ZNF438: variants seen among roughly 807,000 people sequenced by gnomAD.
ZNF438 encodes zinc finger protein 438.
ZNF438 carries 25 observed loss-of-function variants against 38.0 expected under a neutral mutation model. That is an observed-to-expected ratio of 0.66 (90% confidence interval 0.48 to 0.92). The LOEUF is 0.92. Among genes scored for constraint, ZNF438 ranks in the 40% least tolerant of loss-of-function variants. The pLI is 0.00. For missense variants in ZNF438, 1,007 were observed against 999.6 expected (o/e 1.01, Z -0.10); for synonymous variants, 372 against 364.1 (o/e 1.02, Z -0.25).
At chr10:30,883,513 T>G (rs1382691445) in intron 3 of ZNF438, among the ~76,000 whole-genome samples, 1 of 152,202 alleles carries the variant, frequency 6.6e-6, no homozygotes, top group Non-Finnish European at 1.5e-5. Flanking sequence ...TAAAGCCATT[T>G]TTAAAAATGT....
At chr10:30,952,321 C>T (rs1441729646) in intron 1 of ZNF438, among the ~76,000 whole-genome samples, 1 of 150,342 alleles carries the variant, frequency 6.7e-6, no homozygotes, top group Non-Finnish European at 1.5e-5. Context: ...TAGGCATTAC[C>T]ATTCAGGACA....
intron 1 of ZNF438, among the ~76,000 whole-genome samples, chr10:31,029,694 A>C (rs1297947987): frequency 6.6e-6 from 1 of 152,238 alleles, no homozygotes; most frequent in African/African-American, 2.4e-5. Context: ...ATCAGACACC[A>C]GTCCCTTGAT....
chr10:30,989,559 CAG>C (rs893966551), intron 1 of ZNF438, among the ~76,000 whole-genome samples: 23 of 152,244 alleles, frequency 1.5e-4, no homozygotes, highest in African/African-American at 5.1e-4. Context: ...GAGTGTGAGA[CAG>C]AGAAGATGCT....
At chr10:30,858,555 A>G (rs2035067584) in intron 4 of ZNF438, among the ~76,000 whole-genome samples, 1 of 152,228 alleles carries the variant, frequency 6.6e-6, no homozygotes, top group South Asian at 2.1e-4. Flanking sequence ...CATGCACTGT[A>G]AAACGTGCCG....
chr10:30,869,001 T>G (rs2036934200), intron 4 of ZNF438, among the ~76,000 whole-genome samples: 1 of 152,250 alleles, frequency 6.6e-6, no homozygotes, highest in Admixed American at 6.5e-5. Flanking sequence ...GAGACTCTGC[T>G]GCCAAACGGC....
chr10:30,871,731 C>T (rs919694787), intron 4 of ZNF438, among the ~76,000 whole-genome samples: 31 of 152,150 alleles, frequency 2.0e-4, no homozygotes, highest in African/African-American at 7.5e-4. Context: ...ATCAGAAAAT[C>T]TAGGGGTTTT....
exon 6 of ZNF438, chr10:30,845,286 T>C (rs537918883): frequency 2.5e-6 from 4 of 1,614,144 alleles, no homozygotes; most frequent in Non-Finnish European, 3.4e-6. Context: ...TGGACATGCA[T>C]GTGATTCCTC....
intron 3 of ZNF438, among the ~76,000 whole-genome samples, chr10:30,901,686 G>T (rs1415637723): frequency 6.6e-6 from 1 of 151,732 alleles, no homozygotes; most frequent in Admixed American, 6.6e-5. Flanking sequence ...TAGTCTCACC[G>T]CTTGGCGATA....
intron 3 of ZNF438, among the ~76,000 whole-genome samples, chr10:30,899,665 C>G (rs1054590553): frequency 5.3e-5 from 8 of 151,948 alleles, no homozygotes; most frequent in Non-Finnish European, 8.8e-5. Flanking sequence ...CCCCCCCACA[C>G]ACAGGGCACA....
chr10:31,020,475 T>G (rs2056512096), intron 1 of ZNF438, among the ~76,000 whole-genome samples: 1 of 152,170 alleles, frequency 6.6e-6, no homozygotes, highest in Non-Finnish European at 1.5e-5. Context: ...CTACAGGGTA[T>G]ATGGCATTTT....
intron 3 of ZNF438, among the ~76,000 whole-genome samples, chr10:30,900,665 A>AC (rs1391897757): frequency 1.3e-5 from 2 of 152,228 alleles, no homozygotes; most frequent in African/African-American, 4.8e-5. Flanking sequence ...ATTTACGCTC[A>AC]CCCAGCTAGT....
chr10:30,910,369 G>C (rs1298746579), intron 2 of ZNF438: 1 of 152,188 alleles, frequency 6.6e-6, no homozygotes, highest in Non-Finnish European at 1.5e-5. Context: ...CATTCCTATA[G>C]TTCTCCAGTC....
intron 1 of ZNF438, among the ~76,000 whole-genome samples, chr10:31,015,179 T>C (rs980564294): frequency 2.6e-5 from 4 of 152,332 alleles, no homozygotes; most frequent in African/African-American, 7.2e-5. Context: ...GTTACTGTTA[T>C]TGATCTTGTC....
At chr10:30,971,126 A>G (rs2050695162) in intron 1 of ZNF438, among the ~76,000 whole-genome samples, 1 of 152,198 alleles carries the variant, frequency 6.6e-6, no homozygotes, top group Non-Finnish European at 1.5e-5. Flanking sequence ...TGGCATTAGT[A>G]ATTTACTGTA....
At chr10:30,920,730 A>G (rs1442677777) in intron 2 of ZNF438, 4 of 152,218 alleles carry the variant, frequency 2.6e-5, no homozygotes, top group African/African-American at 9.7e-5. Flanking sequence ...CTTATTACAG[A>G]CTTCATTTTT....
At chr10:30,864,547 G>A (rs2036113813) in intron 4 of ZNF438, among the ~76,000 whole-genome samples, 1 of 152,210 alleles carries the variant, frequency 6.6e-6, no homozygotes, top group Admixed American at 6.5e-5. Context: ...AGCTCCAAAA[G>A]AGCAGGGGTT....
At chr10:30,950,761 T>C (rs1189395975) in intron 1 of ZNF438, among the ~76,000 whole-genome samples, 2 of 125,802 alleles carry the variant, frequency 1.6e-5, no homozygotes, top group Non-Finnish European at 3.4e-5. Context: ...AATCAATAGC[T>C]TACCAACCAA....
At chr10:30,975,019 C>T (rs2051177196) in intron 1 of ZNF438, among the ~76,000 whole-genome samples, 1 of 152,160 alleles carries the variant, frequency 6.6e-6, no homozygotes, top group Admixed American at 6.5e-5. Context: ...ACTTCACTCC[C>T]TACCTCTTGG....
chr10:30,897,434 G>T (rs150084984), intron 3 of ZNF438, among the ~76,000 whole-genome samples: 1,832 of 152,260 alleles, frequency 0.012, 18 homozygotes, highest in Non-Finnish European at 0.02. Flanking sequence ...CTTAGTATTA[G>T]CAGCTGACAA....
Sources: allele counts gnomAD v4.1 joint callset (sites outside exome capture counted in the v4.1 genomes callset), GRCh38; gene constraint gnomAD v4.1.1; transcripts MANE v1.5; gene names NCBI Gene and HGNC (gene_info 2026-07-23, HGNC 2026-07-21).